Variants in SDAD1 observed in about 807,000 individuals in gnomAD.
SDAD1 encodes protein SDA1 homolog.
In SDAD1, 79 loss-of-function variants were observed where a neutral mutation model predicts 100.3. That is an observed-to-expected ratio of 0.79 (90% CI 0.66 to 0.95). The LOEUF is 0.95. Ranked by LOEUF, SDAD1 falls within the 40% of genes least tolerant of loss-of-function variation. The pLI, the probability that SDAD1 is intolerant of heterozygous loss-of-function variation, is 0.00. For missense variants in SDAD1, 790 were observed against 810.9 expected (o/e 0.97, Z 0.31); for synonymous variants, 267 against 271.4 (o/e 0.98, Z 0.16).
At chr4:75,954,025 T>C (rs1728748945) in intron 21 of SDAD1, among the ~76,000 whole-genome samples, 1 of 152,254 alleles carries the variant, frequency 6.6e-6, no homozygotes, top group African/African-American at 2.4e-5. Flanking sequence ...TTATTTTGCA[T>C]TGCTTTTCTG....
At chr4:75,966,401 T>C (rs1276636193) in intron 12 of SDAD1, among the ~76,000 whole-genome samples, 3 of 152,148 alleles carry the variant, frequency 2.0e-5, no homozygotes, top group African/African-American at 7.2e-5. Flanking sequence ...TTCCATTTAT[T>C]TGCTGAGTGA....
At chr4:75,984,776 C>G (rs539746490) in intron 1 of SDAD1, among the ~76,000 whole-genome samples, 4 of 120,008 alleles carry the variant, frequency 3.3e-5, no homozygotes, top group African/African-American at 1.3e-4. Flanking sequence ...CACACACACA[C>G]AAACACACAC....
At chr4:75,990,605 A>T in intron 1 of SDAD1, 147 bp downstream of exon 1, 1 of 1,565,578 alleles carries the variant, frequency 6.4e-7, no homozygotes, top group Non-Finnish European at 8.7e-7. Flanking sequence ...TCCCGTCCCC[A>T]ACCCCTTCTC....
chr4:75,976,954 T>C (rs1730190455), intron 4 of SDAD1, among the ~76,000 whole-genome samples: 1 of 152,210 alleles, frequency 6.6e-6, no homozygotes, highest in Non-Finnish European at 1.5e-5. Flanking sequence ...TAAATTTTTC[T>C]TTCCTTTTTT....
At chr4:75,963,330 C>T (rs1011084278) in intron 14 of SDAD1, among the ~76,000 whole-genome samples, 1 of 151,970 alleles carries the variant, frequency 6.6e-6, no homozygotes, top group African/African-American at 2.4e-5. Context: ...TAGCGTGACT[C>T]CAGCTTTGTT....
chr4:75,962,788 A>G (rs1156337873), intron 14 of SDAD1, among the ~76,000 whole-genome samples: 2 of 152,218 alleles, frequency 1.3e-5, no homozygotes, highest in African/African-American at 4.8e-5. Flanking sequence ...GATTCTGGAT[A>G]TTAGCCCTTT....
At chr4:75,960,316 G>T (rs1350578052) in intron 16 of SDAD1, 124 bp from the exon 17 acceptor site, 1 of 905,302 alleles carries the variant, frequency 1.1e-6, no homozygotes, top group Non-Finnish European at 1.6e-6. Flanking sequence ...TTGCTCTGTT[G>T]CCCAGACTGG....
chr4:75,990,603 C>A, intron 1 of SDAD1, 149 bp downstream of exon 1: 1 of 1,562,764 alleles, frequency 6.4e-7, no homozygotes, highest in East Asian at 2.3e-5. Flanking sequence ...TGTCCCGTCC[C>A]CAACCCCTTC....
In SDAD1 at chr4:75,950,698, A is replaced by T. The variant is rs775416881; in HGVS notation, c.*52T>A. On this transcript the variant is annotated 3_prime_UTR_variant, in exon 22 of 22. Coordinates refer to ENST00000356260, the MANE Select transcript of SDAD1 (RefSeq NM_018115.4). ...ACATGCTTGATTTACCAATTTTCAG[A>T]GCAAGGACACAAACTTAGCATTCTT... The T allele has an allele frequency of 1.5e-6, 2 of 1,317,152 alleles. No individual in the cohort carries two copies. Among genetic ancestry groups the T allele is most frequent in the South Asian group, 2.5e-5 (2 of 79,464 alleles). The allele number at this position is 1,317,152 out of a possible 1,614,324, so 81.6% of individuals were successfully genotyped here. A position where few individuals can be genotyped will look rare whatever the true frequency, so the allele number is the denominator to read the frequency against.
intron 7 of SDAD1, 75 bp downstream of exon 7, chr4:75,974,001 G>C (rs1331393073): frequency 3.9e-6 from 5 of 1,271,062 alleles, no homozygotes; most frequent in Non-Finnish European, 5.7e-6. Flanking sequence ...TATGCTGAGT[G>C]ATGCTTTCTT....
chr4:75,971,231 T>C (rs1729848229), intron 9 of SDAD1, 126 bp downstream of exon 9: 2 of 648,906 alleles, frequency 3.1e-6, no homozygotes, highest in East Asian at 2.7e-5. Flanking sequence ...TGCTTAAAAA[T>C]TTATCTAACA....
At chr4:75,959,947 ACATAGT>A in intron 17 of SDAD1, 113 bp downstream of exon 17, 1 of 1,076,230 alleles carries the variant, frequency 9.3e-7, no homozygotes, top group Non-Finnish European at 1.3e-6. Flanking sequence ...AGTGCGTGGC[ACATAGT>A]CATTGCTCAA....
At chr4:75,952,761 C>T (rs1237703310) in intron 21 of SDAD1, among the ~76,000 whole-genome samples, 1 of 152,144 alleles carries the variant, frequency 6.6e-6, no homozygotes, top group Non-Finnish European at 1.5e-5. Context: ...TGAAATGTGG[C>T]TAGTCCAAAT....
At chr4:75,987,918 G>C (rs1029131813) in intron 1 of SDAD1, among the ~76,000 whole-genome samples, 2 of 152,130 alleles carry the variant, frequency 1.3e-5, no homozygotes, top group African/African-American at 4.8e-5. Context: ...TTGGCTTCCA[G>C]AACACCTCCT....
At chr4:75,967,914 G>A (rs768861067) in intron 11 of SDAD1, among the ~76,000 whole-genome samples, 14 of 152,126 alleles carry the variant, frequency 9.2e-5, no homozygotes, top group Admixed American at 2.0e-4. Context: ...AGGTGACCAG[G>A]GTTATTAAGG....
chr4:75,961,185 T>A (rs1408569064), intron 15 of SDAD1, 26 bp downstream of exon 15: 1 of 1,602,104 alleles, frequency 6.2e-7, no homozygotes, highest in Admixed American at 1.7e-5. Flanking sequence ...TACTCTTTGG[T>A]GTGTAGAGAG....
At chr4:75,955,532 C>G (rs1462605784) in intron 21 of SDAD1, among the ~76,000 whole-genome samples, 1 of 152,208 alleles carries the variant, frequency 6.6e-6, no homozygotes, top group Non-Finnish European at 1.5e-5. Flanking sequence ...GACTGCACCA[C>G]TGCACTCCAG....
chr4:75,962,776 T>C (rs970963925), intron 14 of SDAD1, among the ~76,000 whole-genome samples: 1 of 152,222 alleles, frequency 6.6e-6, no homozygotes, highest in African/African-American at 2.4e-5. Flanking sequence ...AAGGTCTTTG[T>C]AGATTCTGGA....
At chr4:75,975,359 C>A (rs2149323738) in intron 6 of SDAD1, among the ~76,000 whole-genome samples, 1 of 152,250 alleles carries the variant, frequency 6.6e-6, no homozygotes, top group East Asian at 1.9e-4. Context: ...TTCAGAGCGG[C>A]AGAAGAGAGA....
Sources: gnomAD v4.1 joint callset for allele counts (sites outside exome capture counted in the v4.1 genomes callset) on GRCh38, gnomAD v4.1.1 for gene constraint, MANE v1.5 for transcripts, NCBI Gene and HGNC (gene_info 2026-07-23, HGNC 2026-07-21) for gene names.